SPAST: variants seen among roughly 807,000 people sequenced by gnomAD.
SPAST encodes spastic paraplegia 4 (autosomal dominant; spastin).
Under a neutral mutation model 76.6 loss-of-function variants are expected in SPAST, and 30 were observed. That is an observed-to-expected ratio of 0.39 (90% CI 0.29 to 0.53). The LOEUF is 0.53. SPAST is among the 20% of genes least tolerant of loss of function. The pLI is 0.68. For missense variants in SPAST, 717 were observed against 770.5 expected (o/e 0.93, Z 0.82); for synonymous variants, 305 against 281.0 (o/e 1.09, Z -0.86).
intron 1 of SPAST, among the ~76,000 whole-genome samples, chr2:32,086,576 G>A (rs1276474443): frequency 1.3e-5 from 2 of 151,870 alleles, no homozygotes. Context: ...CCAACATGGT[G>A]AAAACCCCGT....
intron 11 of SPAST, 51 bp downstream of exon 11, chr2:32,137,019 C>T (rs763013768): frequency 8.0e-7 from 1 of 1,257,126 alleles, no homozygotes; most frequent in African/African-American, 1.6e-5. Context: ...AGTATATTTT[C>T]CTATTAAATG....
chr2:32,089,745 A>T, intron 3 of SPAST, 140 bp downstream of exon 3: 1 of 642,644 alleles, frequency 1.6e-6, no homozygotes. Context: ...TAACATATAC[A>T]AAAACAGAAG....
At chr2:32,081,530 TCCA>T (rs1677221295) in intron 1 of SPAST, among the ~76,000 whole-genome samples, 1 of 152,042 alleles carries the variant, frequency 6.6e-6, no homozygotes, top group Non-Finnish European at 1.5e-5. Context: ...GCTTATTTTC[TCCA>T]CCACTTTCAG....
chr2:32,081,568 G>A (rs1192724049), intron 1 of SPAST, among the ~76,000 whole-genome samples: 1 of 151,766 alleles, frequency 6.6e-6, no homozygotes, highest in Non-Finnish European at 1.5e-5. Context: ...TCAAGTAGAC[G>A]AGGTCAGGAG....
At chr2:32,113,865 C>T (rs1285786398) in intron 4 of SPAST, among the ~76,000 whole-genome samples, 1 of 151,898 alleles carries the variant, frequency 6.6e-6, no homozygotes, top group Admixed American at 6.6e-5. Context: ...TCGCGCCCGG[C>T]GCTTCATAAC....
intron 16 of SPAST, among the ~76,000 whole-genome samples, chr2:32,148,488 A>G (rs1679967567): frequency 6.6e-6 from 1 of 150,982 alleles, no homozygotes; most frequent in Non-Finnish European, 1.5e-5. Context: ...CCTGGCCAAC[A>G]TGGTGAAACC....
At chr2:32,087,452 C>A in intron 1 of SPAST, 40 bp from the exon 2 acceptor site, 2 of 1,253,912 alleles carry the variant, frequency 1.6e-6, no homozygotes, top group Non-Finnish European at 2.3e-6. Context: ...ATTTAGTGTA[C>A]TCTTCATACG....
chr2:32,121,068 TTCTTA>T (rs1679001159), intron 7 of SPAST, among the ~76,000 whole-genome samples: 2 of 152,210 alleles, frequency 1.3e-5, no homozygotes, highest in African/African-American at 4.8e-5. Flanking sequence ...CTTCTCTTTA[TTCTTA>T]TCTTCTGATA....
Position 32,114,736 on chromosome 2 carries a change from T to G in SPAST, c.781T>G (p.Ser261Ala). Reference protein sequence around the residue: ...TVMKTGSAGLSGHHRAPSYSG... With the variant: ...TVMKTGSAGLAGHHRAPSYSG... ...TATGAAAACTGGATCTGCAGGCCTT[T>G]CAGGCCACCATAGAGCACCTAGTTA... Residue 261 changes from serine to alanine, a missense_variant, in exon 5 of 17, where the codon TCA (serine) becomes GCA (alanine). Around this residue, in one of 3 missense-constraint regions of SPAST, gnomAD observed 543 missense variants for 445.2 expected, o/e 1.22. Coordinates refer to ENST00000315285, the MANE Select transcript of SPAST (RefSeq NM_014946.4). 1.2e-6 allele frequency: 2 copies of G among 1,614,024 alleles called. No homozygotes were observed. Among genetic ancestry groups the G allele is most frequent in the African/African-American group, 2.7e-5 (2 of 75,038 alleles).
chr2:32,139,457 A>G (rs1406989520), intron 12 of SPAST, among the ~76,000 whole-genome samples: 1 of 152,234 alleles, frequency 6.6e-6, no homozygotes, highest in African/African-American at 2.4e-5. Flanking sequence ...AAAAATTAGT[A>G]CCATTTCTAT....
intron 12 of SPAST, among the ~76,000 whole-genome samples, chr2:32,141,213 C>G (rs1188144578): frequency 1.3e-5 from 2 of 152,196 alleles, no homozygotes; most frequent in African/African-American, 4.8e-5. Context: ...ATATTGGTCA[C>G]TGCAAGACAT....
intron 3 of SPAST, among the ~76,000 whole-genome samples, chr2:32,094,090 T>C (rs1041794343): frequency 4.6e-5 from 7 of 152,210 alleles, no homozygotes. Context: ...GCTCCAATTT[T>C]TAACCAGCAC....
rs1360258944 is a variant in SPAST, at chr2:32,155,653, A to T, written c.*1157A>T. The T allele has an allele frequency of 6.6e-6, 1 of 152,522 alleles. No homozygotes were observed. Among genetic ancestry groups the T allele is most frequent in the Admixed American group, 6.6e-5 (1 of 15,250 alleles). The allele number at this position is 152,522 out of a possible 1,614,324, so 9.4% of individuals were successfully genotyped here. A position where few individuals can be genotyped will look rare whatever the true frequency, so the allele number is the denominator to read the frequency against. ...CTTTTGTTCTCCCAAAATGTACAGTAATTCCATTTGTTTGTATAAATATGC... is the reference window on the plus strand; with the variant it reads ...CTTTTGTTCTCCCAAAATGTACAGTTATTCCATTTGTTTGTATAAATATGC... On this transcript the variant is annotated 3_prime_UTR_variant, in exon 17 of 17. Coordinates refer to ENST00000315285, the MANE Select transcript of SPAST (RefSeq NM_014946.4).
At chr2:32,121,204 G>T (rs1024689183) in intron 7 of SPAST, among the ~76,000 whole-genome samples, 4 of 152,172 alleles carry the variant, frequency 2.6e-5, no homozygotes, top group African/African-American at 9.7e-5. Flanking sequence ...CCAGGCTAGA[G>T]TGCAGTGGTG....
chr2:32,068,760 G>A (rs1573036246), intron 1 of SPAST, among the ~76,000 whole-genome samples: 1 of 152,044 alleles, frequency 6.6e-6, no homozygotes, highest in African/African-American at 2.4e-5. Context: ...CGGATGTGGT[G>A]GCGGGTGTGT....
chr2:32,151,982 T>G (rs1161822718), intron 16 of SPAST, among the ~76,000 whole-genome samples: 1 of 152,166 alleles, frequency 6.6e-6, no homozygotes, highest in Non-Finnish European at 1.5e-5. Flanking sequence ...AATAATTGGT[T>G]TGGAATTTCT....
intron 16 of SPAST, among the ~76,000 whole-genome samples, chr2:32,149,156 C>T (rs1679991909): frequency 6.6e-6 from 1 of 151,758 alleles, no homozygotes; most frequent in African/African-American, 2.4e-5. Context: ...GTGGCACCAT[C>T]TTGGCTCACT....
rs2148754141 is a variant in SPAST, at chr2:32,136,978, G to A, written c.1413+10G>A. Reference sequence around the variant, plus strand: ...AATAGAATTTGATGGTGTAAGTGTTGATTATGATATTTTTAATGTGGCAGC... The same window carrying A: ...AATAGAATTTGATGGTGTAAGTGTTAATTATGATATTTTTAATGTGGCAGC... On this transcript the variant is annotated intron_variant, in intron 11 of 16. Coordinates refer to ENST00000315285, the MANE Select transcript of SPAST (RefSeq NM_014946.4). 1 of 1,601,594 alleles carries A rather than the reference G, an allele frequency of 6.2e-7. No homozygotes were observed. Among genetic ancestry groups the A allele is most frequent in the Non-Finnish European group, 8.5e-7 (1 of 1,169,688 alleles).
In SPAST at chr2:32,154,970, T is replaced by A. The variant is rs1203378218; in HGVS notation, c.*474T>A. Reference sequence around the variant, plus strand: ...CAGGTGATTGGAATGCCAAACACTCTTAAGTTTATTTTCTTTTTTCGTTTT... The same window carrying A: ...CAGGTGATTGGAATGCCAAACACTCATAAGTTTATTTTCTTTTTTCGTTTT... On this transcript the variant is annotated 3_prime_UTR_variant, in exon 17 of 17. Coordinates refer to ENST00000315285, the MANE Select transcript of SPAST (RefSeq NM_014946.4). 4 of 153,784 alleles carry A rather than the reference T, an allele frequency of 2.6e-5. No homozygotes were observed. 9.5% of individuals were successfully genotyped at this position (153,784 alleles called of 1,614,324 possible).
Sources: allele counts gnomAD v4.1 joint callset (sites outside exome capture counted in the v4.1 genomes callset), GRCh38; gene constraint gnomAD v4.1.1; regional missense constraint gnomAD v4.1.1; transcripts MANE v1.5; gene names NCBI Gene and HGNC (gene_info 2026-07-23, HGNC 2026-07-21).